TANC1: variants seen among roughly 807,000 people sequenced by gnomAD.
The protein encoded by TANC1 is protein TANC1.
TANC1 carries 77 observed loss-of-function variants against 149.7 expected under a neutral mutation model. That is an observed-to-expected ratio of 0.51 (90% confidence interval 0.43 to 0.62). The LOEUF (loss-of-function observed/expected upper bound fraction) is 0.62. Ranked by LOEUF, TANC1 falls within the 20% of genes least tolerant of loss-of-function variation. The probability of loss-of-function intolerance (pLI) is 0.00; values close to 1 mark genes in which losing one functional copy is unlikely to be tolerated. For missense variants in TANC1, 1,985 were observed against 2,321.8 expected, an observed-to-expected ratio of 0.85 and a Z score of 2.98; for synonymous variants, 854 against 925.0, an observed-to-expected ratio of 0.92 and a Z score of 1.39.
At chr2:159,022,208 G>C (rs1345118392) in intron 2 of TANC1, among the ~76,000 whole-genome samples, 1 of 152,126 alleles carries the variant, frequency 6.6e-6, no homozygotes, top group African/African-American at 2.4e-5. Flanking sequence ...GGAGTGGCCA[G>C]AATGCCACTC....
At chr2:159,152,209 G>C (rs2052893648) in intron 7 of TANC1, among the ~76,000 whole-genome samples, 1 of 152,162 alleles carries the variant, frequency 6.6e-6, no homozygotes, top group Admixed American at 6.5e-5. Flanking sequence ...GTTTAGTCTA[G>C]TTCAGCTAAT....
chr2:159,192,033 ATATTAT>A (rs1559429508), intron 16 of TANC1, among the ~76,000 whole-genome samples: 1 of 152,164 alleles, frequency 6.6e-6, no homozygotes, highest in Non-Finnish European at 1.5e-5. Context: ...GAAAAAAAAA[ATATTAT>A]TATACCTAAA....
At chr2:159,122,173 A>G (rs1333822269) in intron 4 of TANC1, among the ~76,000 whole-genome samples, 1 of 152,230 alleles carries the variant, frequency 6.6e-6, no homozygotes, top group Non-Finnish European at 1.5e-5. Context: ...CCTGGGCTCA[A>G]GCCATCTGCC....
intron 2 of TANC1, among the ~76,000 whole-genome samples, chr2:159,020,897 C>G (rs367774923): frequency 6.6e-6 from 1 of 151,234 alleles, no homozygotes; most frequent in African/African-American, 2.4e-5. Context: ...GGCCTCGGGT[C>G]CAGTTGTGTC....
At chr2:159,157,063 A>G (rs1436829398) in intron 7 of TANC1, among the ~76,000 whole-genome samples, 3 of 152,252 alleles carry the variant, frequency 2.0e-5, no homozygotes, top group Admixed American at 6.5e-5. Flanking sequence ...ACAAGCCAGC[A>G]TACGGGGCTC....
intron 2 of TANC1, among the ~76,000 whole-genome samples, chr2:159,050,082 G>GT (rs1041300105): frequency 1.3e-5 from 2 of 152,156 alleles, no homozygotes; most frequent in African/African-American, 4.8e-5. Context: ...TTTCAGAAGA[G>GT]TAAGTCAAAA....
intron 1 of TANC1, among the ~76,000 whole-genome samples, chr2:158,973,034 G>T (rs1411614935): frequency 6.6e-6 from 1 of 152,162 alleles, no homozygotes; most frequent in Non-Finnish European, 1.5e-5. Context: ...TCTAGGGTCG[G>T]TGTTGTCTTT....
chr2:159,056,050 A>C (rs2041825390), intron 2 of TANC1: 1 of 318,796 alleles, frequency 3.1e-6, no homozygotes, highest in South Asian at 3.6e-5. Flanking sequence ...CATCTTCAAG[A>C]AGCAGTCAGA....
chr2:159,000,310 G>A (rs1246814473), intron 1 of TANC1, among the ~76,000 whole-genome samples: 1 of 152,082 alleles, frequency 6.6e-6, no homozygotes, highest in Non-Finnish European at 1.5e-5. Flanking sequence ...CACCAGGGCG[G>A]GAAGCTGGGG....
At chr2:159,029,744 G>T (rs1250928411) in intron 2 of TANC1, among the ~76,000 whole-genome samples, 1 of 152,016 alleles carries the variant, frequency 6.6e-6, no homozygotes, top group Admixed American at 6.6e-5. Flanking sequence ...TAAAAATTTT[G>T]TGTAGAGGTG....
chr2:158,980,832 G>A (rs1404269771), intron 1 of TANC1, among the ~76,000 whole-genome samples: 3 of 150,914 alleles, frequency 2.0e-5, no homozygotes, highest in Admixed American at 1.3e-4. Context: ...TTGTTTTTTG[G>A]AAACCAAGAT....
At chr2:158,989,471 G>A (rs954582576) in intron 1 of TANC1, among the ~76,000 whole-genome samples, 4 of 151,670 alleles carry the variant, frequency 2.6e-5, no homozygotes, top group Admixed American at 6.6e-5. Context: ...TCAGCTGAAC[G>A]TGGTGGCTCA....
At chr2:159,141,556 T>A (rs1282364618) in intron 5 of TANC1, among the ~76,000 whole-genome samples, 1 of 152,114 alleles carries the variant, frequency 6.6e-6, no homozygotes, top group Non-Finnish European at 1.5e-5. Context: ...AGGGACTGTG[T>A]TTTGGTTTGA....
chr2:159,109,296 G>A (rs2047489760), intron 4 of TANC1, among the ~76,000 whole-genome samples: 4 of 152,190 alleles, frequency 2.6e-5, no homozygotes, highest in Admixed American at 2.6e-4. Context: ...CAGGCCATAG[G>A]TGTTTCTTCC....
chr2:159,228,645 A>G, intron 25 of TANC1, 151 bp from the exon 26 acceptor site: 1 of 651,302 alleles, frequency 1.5e-6, no homozygotes, highest in Non-Finnish European at 2.8e-6. Context: ...TTATCTCCTC[A>G]CTTTAAAACA....
intron 3 of TANC1, among the ~76,000 whole-genome samples, chr2:159,075,845 A>G (rs368806499): frequency 2.6e-5 from 4 of 152,204 alleles, no homozygotes; most frequent in African/African-American, 9.7e-5. Context: ...GTTAATAGGG[A>G]AAGGAAATGA....
At chr2:159,053,540 A>G (rs899676123) in intron 2 of TANC1, among the ~76,000 whole-genome samples, 1 of 152,196 alleles carries the variant, frequency 6.6e-6, no homozygotes, top group African/African-American at 2.4e-5. Flanking sequence ...TTAATTTAGA[A>G]CTTGATATCC....
intron 2 of TANC1, among the ~76,000 whole-genome samples, chr2:159,063,039 G>C (rs1002912443): frequency 3.3e-5 from 5 of 149,750 alleles, no homozygotes; most frequent in African/African-American, 1.2e-4. Context: ...CTGGAGTACC[G>C]ATTTGTTAAT....
intron 18 of TANC1, among the ~76,000 whole-genome samples, chr2:159,197,688 A>C (rs1299558588): frequency 3.9e-5 from 6 of 152,166 alleles, no homozygotes; most frequent in Non-Finnish European, 7.3e-5. Flanking sequence ...TTTAAGTGTG[A>C]AAAGTCATCA....
Sources: allele counts gnomAD v4.1 joint callset (sites outside exome capture counted in the v4.1 genomes callset), GRCh38; gene constraint gnomAD v4.1.1; transcripts MANE v1.5; gene names NCBI Gene and HGNC (gene_info 2026-07-23, HGNC 2026-07-21).